The following TAPT1 variants were observed in gnomAD, a reference collection of about 807,000 sequenced individuals.
The protein encoded by TAPT1 is transmembrane anterior posterior transformation 1, also known as transmembrane anterior posterior transformation protein 1 homolog.
Under a neutral mutation model 65.6 loss-of-function variants are expected in TAPT1, and 28 were observed. The observed-to-expected ratio is 0.43, with a 90% CI of 0.32 to 0.59. The LOEUF (loss-of-function observed/expected upper bound fraction) is 0.59. TAPT1 is among the 20% of genes least tolerant of loss of function. The probability of loss-of-function intolerance (pLI) is 0.09; values close to 1 mark genes in which losing one functional copy is unlikely to be tolerated. For missense variants in TAPT1, 563 were observed against 679.9 expected, an observed-to-expected ratio of 0.83 and a Z score of 1.91; for synonymous variants, 278 against 245.2, an observed-to-expected ratio of 1.13 and a Z score of -1.25.
intron 12 of TAPT1, 195 bp from the exon 13 acceptor site, chr4:16,166,988 TCTC>T: frequency 8.7e-6 from 3 of 345,796 alleles, no homozygotes; most frequent in South Asian, 4.6e-5. Flanking sequence ...ATTCCTTAGT[TCTC>T]TTTTTTTTTT....
chr4:16,226,491 C>G (rs909795797), upstream of TAPT1: 7 of 1,040,756 alleles, frequency 6.7e-6, no homozygotes, highest in African/African-American at 1.2e-4. Context: ...CCGCCGCCTC[C>G]CTCCAGCCTC....
chr4:16,180,833 C>T (rs1748670061), intron 7 of TAPT1, among the ~76,000 whole-genome samples: 1 of 152,158 alleles, frequency 6.6e-6, no homozygotes. Context: ...CTGAGCTGTG[C>T]CTTCACTCCC....
chr4:16,209,947 T>A (rs1750562781), intron 2 of TAPT1, among the ~76,000 whole-genome samples: 1 of 152,162 alleles, frequency 6.6e-6, no homozygotes, highest in Non-Finnish European at 1.5e-5. Context: ...CACCAGGAAT[T>A]TCCTCTTTAG....
rs1747321477 is a variant in TAPT1 at position 16,162,507 on chromosome 4, TA to T, written c.*800del. 1 of 152,872 alleles carries T rather than the reference TA, an allele frequency of 6.5e-6. No homozygotes were observed. Among genetic ancestry groups the T allele is most frequent in the Non-Finnish European group, 1.5e-5 (1 of 68,242 alleles). The allele number at this position is 152,872 out of a possible 1,614,324, so 9.5% of individuals were successfully genotyped here. A position where few individuals can be genotyped will look rare whatever the true frequency, so the allele number is the denominator to read the frequency against. On this transcript the variant is annotated 3_prime_UTR_variant, in exon 14 of 14. Transcript: ENST00000405303. ...TAGTTTTAAAGCAAAATCAGTTAAG[TA>T]TACCTTAAAGTTAACACTGCTCTGC...
At chr4:16,192,098 A>G (rs1238820869) in intron 3 of TAPT1, among the ~76,000 whole-genome samples, 1 of 152,204 alleles carries the variant, frequency 6.6e-6, no homozygotes, top group Non-Finnish European at 1.5e-5. Flanking sequence ...ATGCCATGTC[A>G]CATATATGAA....
chr4:16,173,409 A>G (rs897107034), intron 11 of TAPT1, among the ~76,000 whole-genome samples: 9 of 152,152 alleles, frequency 5.9e-5, no homozygotes, highest in African/African-American at 2.2e-4. Flanking sequence ...TGAAAAAAAT[A>G]CATATTTCTT....
Position 16,174,744 on chromosome 4 carries a change from G to T in TAPT1, c.1108-15C>A, listed in dbSNP as rs1448817095. On this transcript the variant is annotated splice_polypyrimidine_tract_variant and intron_variant, in intron 9 of 13. Coordinates refer to ENST00000405303, the MANE Select transcript of TAPT1 (RefSeq NM_153365.3). Reference sequence around the variant, plus strand: ...TCACTGTAGACCTAAAAACAAACAAGAATGAAATATCAAGTAATACAGTAA... The same window carrying T: ...TCACTGTAGACCTAAAAACAAACAATAATGAAATATCAAGTAATACAGTAA... The T allele has an allele frequency of 3.2e-6, 5 of 1,538,786 alleles. No individual in the cohort carries two copies. Among genetic ancestry groups the T allele is most frequent in the Non-Finnish European group, 4.4e-6 (5 of 1,139,112 alleles).
At chr4:16,194,180 T>C (rs1430284095) in intron 3 of TAPT1, among the ~76,000 whole-genome samples, 2 of 152,214 alleles carry the variant, frequency 1.3e-5, no homozygotes, top group Admixed American at 6.5e-5. Context: ...CAAAATGATA[T>C]AATACCACAC....
At chr4:16,197,072 C>T (rs1316170905) in intron 3 of TAPT1, among the ~76,000 whole-genome samples, 1 of 152,128 alleles carries the variant, frequency 6.6e-6, no homozygotes, top group Non-Finnish European at 1.5e-5. Flanking sequence ...AGAGGTAAGG[C>T]ATACGAAGGA....
chr4:16,214,724 C>A (rs1408645854), intron 1 of TAPT1: 3 of 152,242 alleles, frequency 2.0e-5, no homozygotes, highest in Non-Finnish European at 4.4e-5. Context: ...ACCCTCAGCA[C>A]CCCTTACTTC....
intron 4 of TAPT1, 25 bp from the exon 5 acceptor site, chr4:16,188,380 A>T (rs368878453): frequency 1.3e-6 from 2 of 1,496,478 alleles, no homozygotes; most frequent in Non-Finnish European, 1.8e-6. Flanking sequence ...TATTTGTAAG[A>T]TGTTTCTTAA....
At chr4:16,196,856 C>A (rs1578453176) in intron 3 of TAPT1, 2 of 452,822 alleles carry the variant, frequency 4.4e-6, no homozygotes, top group Admixed American at 4.9e-5. Context: ...TTGCTCTCAA[C>A]AAATAAGCCA....
upstream of TAPT1, chr4:16,226,638 C>CGCCGCCGCCGCCACGGTA (rs1347375711): frequency 5.0e-6 from 1 of 201,172 alleles, no homozygotes; most frequent in African/African-American, 2.4e-5. Flanking sequence ...CCGCTGCCGC[C>CGCCGCCGCCGCCACGGTA]GCCGCCGCCG....
At chr4:16,174,848 A>C in intron 9 of TAPT1, 119 bp from the exon 10 acceptor site, 1 of 666,354 alleles carries the variant, frequency 1.5e-6, no homozygotes, top group East Asian at 3.2e-5. Context: ...CTAATAACCA[A>C]GCTGACATCT....
At chr4:16,170,882 T>G (rs1747948858) in intron 11 of TAPT1, among the ~76,000 whole-genome samples, 153 bp from the exon 12 acceptor site, 1 of 152,204 alleles carries the variant, frequency 6.6e-6, no homozygotes, top group African/African-American at 2.4e-5. Flanking sequence ...GAAGGCAGAT[T>G]TGTTGATTTG....
Position 16,202,473 on chromosome 4 carries a change from G to A in TAPT1, c.438C>T (p.Cys146=), listed in dbSNP as rs1265780715. The change falls in exon 3 of 14, where the codon TGC becomes TGT. Residue 146 remains cysteine, a synonymous_variant. Transcript: ENST00000405303. ...GATCTTAAACTTACCTTAAGCCATAGCAAGGCAAAGTGAGGAGCCTGAATA... is the reference window on the plus strand; with the variant it reads ...GATCTTAAACTTACCTTAAGCCATAACAAGGCAAAGTGAGGAGCCTGAATA... ...LALFRLLTLP[C]YGLRDRRLLQ... 1 of 1,543,530 alleles carries A rather than the reference G, an allele frequency of 6.5e-7. No individual in the cohort carries two copies. Among genetic ancestry groups the A allele is most frequent in the East Asian group, 2.5e-5 (1 of 40,808 alleles).
intron 13 of TAPT1, among the ~76,000 whole-genome samples, chr4:16,163,822 G>A (rs992891285): frequency 9.9e-5 from 15 of 152,010 alleles, no homozygotes; most frequent in Non-Finnish European, 1.3e-4. Flanking sequence ...CCTACATTAC[G>A]GCTCCTCTCT....
intron 1 of TAPT1, chr4:16,216,059 T>TA (rs1372933129): frequency 4.6e-5 from 7 of 152,190 alleles, no homozygotes; most frequent in African/African-American, 1.7e-4. Context: ...TCCACATATA[T>TA]AATTTTTCAC....
chr4:16,212,679 C>T (rs1444548040), intron 2 of TAPT1, among the ~76,000 whole-genome samples: 1 of 152,184 alleles, frequency 6.6e-6, no homozygotes, highest in African/African-American at 2.4e-5. Flanking sequence ...AATAGTTGAG[C>T]ATATTTAATG....
Sources: gnomAD v4.1 joint callset for allele counts (sites outside exome capture counted in the v4.1 genomes callset) on GRCh38, gnomAD v4.1.1 for gene constraint, MANE v1.5 for transcripts, NCBI Gene and HGNC (gene_info 2026-07-23, HGNC 2026-07-21) for gene names.